Variants in COL15A1 observed in about 807,000 individuals in gnomAD.
COL15A1 encodes the protein collagen alpha-1(XV) chain.
Under a neutral mutation model 165.9 loss-of-function variants are expected in COL15A1, and 111 were observed. The observed-to-expected ratio is 0.67, with a 90% CI of 0.57 to 0.78. The LOEUF (loss-of-function observed/expected upper bound fraction) is 0.78. Among genes scored for constraint, COL15A1 ranks in the 30% least tolerant of loss-of-function variants. The probability of loss-of-function intolerance (pLI) is 0.00; values close to 1 mark genes in which losing one functional copy is unlikely to be tolerated. For synonymous variants in COL15A1, 659 were observed against 674.8 expected (o/e 0.98, Z 0.36); for missense variants, 1,745 against 1,789.7 (o/e 0.98, Z 0.45).
In COL15A1 at chr9:99,019,784, AC is replaced by A. The variant is rs759758851; in HGVS notation, c.1648-602del. On this transcript the variant is annotated intron_variant, in intron 11 of 41. Transcript: ENST00000375001. Reference sequence around the variant, plus strand: ...AATGAGTTCATCCATGGAAAACATGACCCAGCACATAGTACATGCTCAATAA... The same window carrying A: ...AATGAGTTCATCCATGGAAAACATGACCAGCACATAGTACATGCTCAATAA... 8.6e-5 allele frequency among the ~76,000 whole-genome samples: 13 copies of A among 151,940 alleles called. No individual in the cohort carries two copies. The East Asian group carries it at 1.9e-3, about 23-fold the overall frequency.
intron 18 of COL15A1, 86 bp from the exon 19 acceptor site, chr9:99,035,264 T>A: frequency 6.2e-7 from 1 of 1,603,736 alleles, no homozygotes; most frequent in Non-Finnish European, 8.5e-7. Context: ...GATTCCCCTG[T>A]GAGCCGCCAG....
At chr9:99,008,029 T>G (rs1334366756) in intron 9 of COL15A1, among the ~76,000 whole-genome samples, 1 of 152,218 alleles carries the variant, frequency 6.6e-6, no homozygotes, top group Non-Finnish European at 1.5e-5. Flanking sequence ...ATAGGACAAT[T>G]TCATTTGCAA....
intron 39 of COL15A1, among the ~76,000 whole-genome samples, chr9:99,064,252 G>C (rs1186357851): frequency 6.6e-6 from 1 of 152,184 alleles, no homozygotes; most frequent in South Asian, 2.1e-4. Flanking sequence ...GGGAGAGATA[G>C]TTTATATGGT....
At chr9:99,016,252 C>T (rs1838933734) in intron 11 of COL15A1, 133 bp downstream of exon 11, 2 of 1,127,808 alleles carry the variant, frequency 1.8e-6, no homozygotes, top group Non-Finnish European at 1.2e-6. Context: ...CAAATTTGGG[C>T]ATTTGAGGAG....
At chr9:99,030,376 A>AT (rs1225789813) in intron 16 of COL15A1, among the ~76,000 whole-genome samples, 1 of 152,196 alleles carries the variant, frequency 6.6e-6, no homozygotes, top group African/African-American at 2.4e-5. Flanking sequence ...CAACATCACC[A>AT]TTTTGGGAAT....
intron 35 of COL15A1, 145 bp from the exon 36 acceptor site, chr9:99,059,744 A>G: frequency 1.3e-6 from 1 of 790,800 alleles, no homozygotes; most frequent in Non-Finnish European, 2.0e-6. Flanking sequence ...CTGGGGGCAC[A>G]GCACCCAAGA....
At chr9:99,036,526 T>C (rs1588527017) in intron 21 of COL15A1, 130 bp downstream of exon 21, 3 of 846,184 alleles carry the variant, frequency 3.5e-6, no homozygotes, top group Non-Finnish European at 5.5e-6. Context: ...TGTTAGAACT[T>C]CCACCTGCCA....
chr9:98,964,498 A>G (rs1169892346), intron 2 of COL15A1, among the ~76,000 whole-genome samples: 1 of 152,242 alleles, frequency 6.6e-6, no homozygotes, highest in Non-Finnish European at 1.5e-5. Flanking sequence ...ACTGAGCAGG[A>G]AAGTCTGTAG....
At chr9:98,958,938 C>T (rs1837820925) in intron 2 of COL15A1, among the ~76,000 whole-genome samples, 1 of 152,066 alleles carries the variant, frequency 6.6e-6, no homozygotes, top group South Asian at 2.1e-4. Flanking sequence ...TGATGCGCCC[C>T]ATTTCTAAGA....
rs1422296351 is a variant in COL15A1 at position 99,069,870 on chromosome 9, C to T, written c.4151C>T (p.Thr1384Ile). 1 of 1,611,994 alleles carries T rather than the reference C, an allele frequency of 6.2e-7. No individual in the cohort carries two copies. Among genetic ancestry groups the T allele is most frequent in the Admixed American group, 1.7e-5 (1 of 59,956 alleles). Residue 1384 changes from threonine (T) to isoleucine (I), a missense_variant, in exon 42 of 42, where the codon ACA becomes ATA. By Grantham distance (89) the Thr-to-Ile change is moderately conservative (BLOSUM62 -1). Coordinates refer to ENST00000375001, the MANE Select transcript of COL15A1 (RefSeq NM_001855.5). ...CTATGTATCGAAAACAGTTTCATGA[C>T]AGACGCTAGGAAGTAATGGCCTTCT... Reference protein sequence around the residue: ...IVLCIENSFMTDARK With the variant: ...IVLCIENSFMIDARK
chr9:99,029,990 AT>A (rs1479537910), intron 16 of COL15A1, among the ~76,000 whole-genome samples: 2 of 152,190 alleles, frequency 1.3e-5, no homozygotes, highest in Non-Finnish European at 2.9e-5. Flanking sequence ...GGTTATCAGT[AT>A]TACAAACAGC....
At position 99,070,099 on chromosome 9, in the gene COL15A1, GTGCTA is replaced by G. The variant is rs1196489598; in HGVS notation, c.*214_*218del. The G allele has an allele frequency of 2.0e-6, 1 of 508,686 alleles. No homozygotes were observed. Among genetic ancestry groups the G allele is most frequent in the East Asian group, 3.4e-5 (1 of 29,370 alleles). 31.5% of individuals were successfully genotyped at this position (508,686 alleles called of 1,614,324 possible). ...AAGACAAAATCTGATCCATATATTG[GTGCTA>G]GATTCTGCAGGAAACCCCAGCAGTG... On this transcript the variant is annotated 3_prime_UTR_variant, in exon 42 of 42. Coordinates refer to ENST00000375001, the MANE Select transcript of COL15A1 (RefSeq NM_001855.5).
At chr9:99,027,528 C>G (rs1839146619) in intron 16 of COL15A1, among the ~76,000 whole-genome samples, 1 of 152,102 alleles carries the variant, frequency 6.6e-6, no homozygotes, top group African/African-American at 2.4e-5. Context: ...CTTACCTGTT[C>G]TTCTTCCAGG....
intron 40 of COL15A1, among the ~76,000 whole-genome samples, chr9:99,067,734 C>T (rs1825917554): frequency 1.3e-5 from 2 of 152,198 alleles, no homozygotes; most frequent in South Asian, 4.1e-4. Flanking sequence ...TCCATCCTAA[C>T]CCCATACCCA....
intron 21 of COL15A1, 35 bp downstream of exon 21, chr9:99,036,431 T>G (rs773306067): frequency 1.2e-6 from 2 of 1,606,082 alleles, no homozygotes; most frequent in Non-Finnish European, 1.7e-6. Flanking sequence ...TGTCTACATA[T>G]TTTCCACCTT....
At chr9:99,059,842 T>C in intron 35 of COL15A1, 47 bp from the exon 36 acceptor site, 2 of 1,607,678 alleles carry the variant, frequency 1.2e-6, no homozygotes, top group Non-Finnish European at 1.7e-6. Context: ...TCAGACATTT[T>C]TCAGAGTGTG....
At chr9:99,034,884 A>G in intron 17 of COL15A1, 130 bp from the exon 18 acceptor site, 2 of 909,692 alleles carry the variant, frequency 2.2e-6, no homozygotes, top group Non-Finnish European at 3.5e-6. Flanking sequence ...CTGTACCATT[A>G]AGTGGTACCG....
At chr9:98,968,801 G>C (rs1245607354) in intron 2 of COL15A1, among the ~76,000 whole-genome samples, 1 of 152,142 alleles carries the variant, frequency 6.6e-6, no homozygotes, top group Non-Finnish European at 1.5e-5. Context: ...TCCTGCCTGG[G>C]GGCGGGGGCG....
chr9:99,001,686 C>G (rs768741338), intron 7 of COL15A1, among the ~76,000 whole-genome samples: 2 of 152,218 alleles, frequency 1.3e-5, no homozygotes, highest in Non-Finnish European at 2.9e-5. Flanking sequence ...TCTTACTTCT[C>G]TCTCCTCCTT....
Sources: allele counts gnomAD v4.1 joint callset (sites outside exome capture counted in the v4.1 genomes callset), GRCh38; gene constraint gnomAD v4.1.1; transcripts MANE v1.5; gene names NCBI Gene and HGNC (gene_info 2026-07-23, HGNC 2026-07-21).